The following AKAP17A variants were observed in gnomAD, a reference collection of about 807,000 sequenced individuals.
AKAP17A encodes A-kinase anchor protein 17A.
AKAP17A carries 15 observed loss-of-function variants against 52.2 expected under a neutral mutation model. That is an observed-to-expected ratio of 0.29 (90% confidence interval 0.19 to 0.44). The LOEUF is 0.44. AKAP17A is among the 20% of genes least tolerant of loss of function. The pLI, the probability that AKAP17A is intolerant of heterozygous loss-of-function variation, is 1.00. For missense variants in AKAP17A, 1,060 were observed against 1,007.0 expected (o/e 1.05, Z -0.71); for synonymous variants, 514 against 424.7 (o/e 1.21, Z -2.58).
intron 1 of AKAP17A, among the ~76,000 whole-genome samples, chrX:1,592,559 C>T (rs1300478068): frequency 6.6e-6 from 1 of 152,178 alleles, no homozygotes; most frequent in East Asian, 1.9e-4. Context: ...TTTCTGGTCG[C>T]TTCTCCACCC....
In AKAP17A at chrX:1,600,777, C is replaced by T. The variant is rs1933319453; in HGVS notation, c.1271C>T (p.Ala424Val). 4 of 1,576,032 alleles carry T rather than the reference C, an allele frequency of 2.5e-6. No individual in the cohort carries two copies. The highest frequency in any genetic ancestry group is 1.2e-5 in the South Asian group (1 of 86,910). The change falls in exon 5 of 5, where the codon GCG (alanine) becomes GTG (valine). Residue 424 changes from alanine to valine, a missense_variant. Ala to Val is a moderately conservative substitution (Grantham distance 64). Coordinates refer to ENST00000313871, the MANE Select transcript of AKAP17A (RefSeq NM_005088.3). ...LRRVEEEKER[A>V]LGLQRKEREL... is the part of the protein sequence containing the mutation. ...CGCGTGGAGGAGGAGAAGGAGCGCG[C>T]GCTGGGCCTGCAGCGGAAAGAGCGG...
chrX:1,595,561 G>T (rs373666054), intron 3 of AKAP17A, 29 bp downstream of exon 3: 1 of 1,612,468 alleles, frequency 6.2e-7, no homozygotes, highest in Non-Finnish European at 8.5e-7. Flanking sequence ...GGCCCTCGGC[G>T]CTGGTGTCCG....
chrX:1,595,236 TG>T, intron 2 of AKAP17A, 147 bp from the exon 3 acceptor site: 1 of 185,730 alleles, frequency 5.4e-6, no homozygotes, highest in Non-Finnish European at 7.4e-6. Flanking sequence ...TGTCTGGGTC[TG>T]CACCGGACAT....
chrX:1,592,343 G>T (rs1932852843), intron 1 of AKAP17A, among the ~76,000 whole-genome samples: 1 of 152,002 alleles, frequency 6.6e-6, no homozygotes, highest in Non-Finnish European at 1.5e-5. Context: ...AGGCCATGCT[G>T]GGGGGCTGCG....
chrX:1,598,469 C>T (rs1328270844), intron 3 of AKAP17A, among the ~76,000 whole-genome samples: 3 of 152,150 alleles, frequency 2.0e-5, no homozygotes, highest in African/African-American at 4.8e-5. Context: ...CAGAAGTCTC[C>T]GCCTCCGTGT....
chrX:1,598,442 G>A (rs1435692404), intron 3 of AKAP17A, among the ~76,000 whole-genome samples: 7 of 152,076 alleles, frequency 4.6e-5, no homozygotes, highest in African/African-American at 7.2e-5. Context: ...GGCGGTTGGC[G>A]GCGCCCACCC....
chrX:1,594,276 C>T (rs1932898040), intron 2 of AKAP17A, 52 bp downstream of exon 2: 2 of 1,494,974 alleles, frequency 1.3e-6, no homozygotes, highest in Non-Finnish European at 8.9e-7. Context: ...TGGCGACTTC[C>T]TTCCAGCAGG....
intron 3 of AKAP17A, among the ~76,000 whole-genome samples, chrX:1,597,708 GAGA>G (rs1933083330): frequency 6.6e-6 from 1 of 152,126 alleles, no homozygotes; most frequent in South Asian, 2.1e-4. Context: ...TGCGGGTGCG[GAGA>G]AGAAGCTGCA....
Position 1,593,524 on chromosome X carries a change from G to A in AKAP17A, c.62G>A (p.Gly21Asp), listed in dbSNP as rs757646683. Residue 21 changes from glycine (G) to aspartate (D), a missense_variant, in exon 2 of 5, where the codon GGC becomes GAC. By Grantham distance (94) the Gly-to-Asp change is moderately conservative. Around this residue, in one of 2 missense-constraint regions of AKAP17A, gnomAD observed 267 missense variants for 377.1 expected, o/e 0.71. Coordinates refer to ENST00000313871, the MANE Select transcript of AKAP17A (RefSeq NM_005088.3). ...SEAVELCPAYGLYLKPITKMT... is the reference protein window; with the variant it reads ...SEAVELCPAYDLYLKPITKMT... ...GCCGTGGAGCTCTGCCCTGCTTACG[G>A]CTTGTACCTGAAGCCCATCACCAAG... 1.2e-5 allele frequency: 19 copies of A among 1,613,730 alleles called. No individual in the cohort carries two copies. Among genetic ancestry groups the A allele is most frequent in the Non-Finnish European group, 1.6e-5 (19 of 1,179,866 alleles).
Position 1,595,503 on chromosome X carries a change from A to G in AKAP17A, c.882A>G (p.Glu294=). The G allele has an allele frequency of 1.2e-6, 2 of 1,613,938 alleles. No individual in the cohort carries two copies. Among genetic ancestry groups the G allele is most frequent in the Non-Finnish European group, 1.7e-6 (2 of 1,179,866 alleles). ...AAGAACAAAAGCGCAGAGAGAAGGA[A>G]GCGGAGGAGAGGCAGCGAGCGGAGG... The part of the protein sequence containing the change: ...QREEQKRREK[E]AEERQRAEER... The change falls in exon 3 of 5, where the codon GAA becomes GAG. Residue 294 remains glutamate (E), a synonymous_variant. Coordinates refer to ENST00000313871, the MANE Select transcript of AKAP17A (RefSeq NM_005088.3).
chrX:1,597,834 C>T (rs1399643026), intron 3 of AKAP17A, among the ~76,000 whole-genome samples: 7 of 151,880 alleles, frequency 4.6e-5, no homozygotes, highest in East Asian at 1.9e-4. Flanking sequence ...GAAGCGGGGC[C>T]GGGCCATGAG....
intron 2 of AKAP17A, 103 bp downstream of exon 2, chrX:1,594,327 G>T: frequency 7.3e-7 from 1 of 1,363,170 alleles, no homozygotes; most frequent in Non-Finnish European, 9.8e-7. Flanking sequence ...AGGCTGTGGG[G>T]ACCTCCCCTA....
At chrX:1,600,210 G>A in intron 4 of AKAP17A, 1 of 1,314,062 alleles carries the variant, frequency 7.6e-7, no homozygotes, top group Non-Finnish European at 9.9e-7. Context: ...ACCTCATGGT[G>A]AATATTGAAG....
chrX:1,598,525 G>C (rs773940709), intron 3 of AKAP17A, among the ~76,000 whole-genome samples: 26 of 152,262 alleles, frequency 1.7e-4, no homozygotes, highest in Admixed American at 1.2e-3. Flanking sequence ...GTCCGGTGTT[G>C]GTTGAAATGC....
At chrX:1,596,113 T>C (rs4415507) in intron 3 of AKAP17A, among the ~76,000 whole-genome samples, 10,836 of 151,954 alleles carry the variant, frequency 0.071, 697 homozygotes, top group African/African-American at 0.18. Context: ...CTCCACATGC[T>C]GTTCACACCT....
At chrX:1,595,751 CTG>C (rs1474333558) in intron 3 of AKAP17A, among the ~76,000 whole-genome samples, 1 of 151,902 alleles carries the variant, frequency 6.6e-6, no homozygotes, top group Non-Finnish European at 1.5e-5. Context: ...GCCTGAGCAT[CTG>C]TGTGCACGTG....
intron 3 of AKAP17A, among the ~76,000 whole-genome samples, chrX:1,596,983 T>G (rs1933031643): frequency 6.6e-6 from 1 of 152,190 alleles, no homozygotes; most frequent in Non-Finnish European, 1.5e-5. Flanking sequence ...ACGACTTTGG[T>G]GCGTCCTGCA....
intron 3 of AKAP17A, among the ~76,000 whole-genome samples, chrX:1,597,554 G>A (rs1163174214): frequency 4.6e-5 from 7 of 152,068 alleles, no homozygotes; most frequent in East Asian, 3.9e-4. Context: ...GTCCTGGGGC[G>A]TTACAGGGAC....
At position 1,600,889 on chromosome X, in the gene AKAP17A, C is replaced by T. The variant is rs373179678; in HGVS notation, c.1383C>T (p.Ala461=). Residue 461 remains alanine (A), a synonymous_variant, in exon 5 of 5, where the codon GCC becomes GCT. Coordinates refer to ENST00000313871, the MANE Select transcript of AKAP17A (RefSeq NM_005088.3). ...HTHDELGVAH[A]DLLQPVLDIL... ...ACGACGAGCTGGGCGTGGCACACGC[C>T]GACCTGCTGCAGCCCGTCCTGGACA... 316 of 1,577,848 alleles carry T rather than the reference C, an allele frequency of 2.0e-4. 1 individual carries two copies. Among genetic ancestry groups the T allele is most frequent in the Middle Eastern group, 1.3e-3 (7 of 5,250 alleles).
Sources: allele counts gnomAD v4.1 joint callset (sites outside exome capture counted in the v4.1 genomes callset), GRCh38; gene constraint gnomAD v4.1.1; regional missense constraint gnomAD v4.1.1; transcripts MANE v1.5; gene names NCBI Gene and HGNC (gene_info 2026-07-23, HGNC 2026-07-21).